The following MBP variants were observed in gnomAD, a reference collection of about 807,000 sequenced individuals.
The protein encoded by MBP is Golli-MBP.
In MBP, 16 loss-of-function variants were observed where a neutral mutation model predicts 35.8. That is an observed-to-expected ratio of 0.45 (90% CI 0.30 to 0.68). MBP has a LOEUF of 0.68. MBP is among the 30% of genes least tolerant of loss of function. The pLI, the probability that MBP is intolerant of heterozygous loss-of-function variation, is 0.08. For missense variants in MBP, 380 were observed against 404.7 expected (o/e 0.94, Z 0.52); for synonymous variants, 143 against 159.6 (o/e 0.90, Z 0.78).
intron 2 of MBP, among the ~76,000 whole-genome samples, chr18:77,069,541 A>G (rs940770530): frequency 6.6e-6 from 1 of 152,196 alleles, no homozygotes; most frequent in Non-Finnish European, 1.5e-5. Flanking sequence ...GTGTCCTCCC[A>G]TTGGCGTGGG....
At chr18:77,107,367 C>T (rs1976311945) in intron 1 of MBP, among the ~76,000 whole-genome samples, 1 of 152,158 alleles carries the variant, frequency 6.6e-6, no homozygotes, top group Non-Finnish European at 1.5e-5. Context: ...CTCCTGTGAG[C>T]CCTCGCCTGC....
chr18:77,098,045 C>T (rs1165970716), intron 2 of MBP, among the ~76,000 whole-genome samples: 1 of 152,122 alleles, frequency 6.6e-6, no homozygotes, highest in African/African-American at 2.4e-5. Context: ...GCTCTACAGC[C>T]CCAGGGAGTC....
intron 2 of MBP, among the ~76,000 whole-genome samples, chr18:77,076,680 T>C (rs1414573518): frequency 6.6e-6 from 1 of 152,238 alleles, no homozygotes; most frequent in Non-Finnish European, 1.5e-5. Flanking sequence ...AGAGCAGTTA[T>C]TAAATATATT....
At chr18:77,027,290 G>C (rs2123559385) in intron 3 of MBP, among the ~76,000 whole-genome samples, 1 of 152,316 alleles carries the variant, frequency 6.6e-6, no homozygotes, top group Middle Eastern at 3.4e-3. Flanking sequence ...CAGGATGAAA[G>C]GCTATGGAAT....
chr18:77,060,746 C>T (rs548376255), intron 3 of MBP, among the ~76,000 whole-genome samples: 9 of 152,290 alleles, frequency 5.9e-5, no homozygotes, highest in Non-Finnish European at 1.2e-4. Context: ...CCATCATACC[C>T]GGCCAAATTG....
rs181059591 is a variant in MBP at position 77,041,789 on chromosome 18, G to T, written c.139+24509C>A. On this transcript the variant is annotated intron_variant, in intron 3 of 8. Coordinates refer to ENST00000355994, the MANE Select transcript of MBP (RefSeq NM_001025101.2). ...ACTGGGACCTGTTGTGGGGTGGGGG[G>T]AGGGGGGAGGGATAGCATTAGGAGA... is the stretch of plus-strand genomic sequence containing the variant. 2.3e-4 allele frequency among the ~76,000 whole-genome samples: 24 copies of T among 103,538 alleles called. 1 individual carries two copies. The highest frequency in any genetic ancestry group is 8.2e-4 in the African/African-American group (23 of 28,020). The allele number at this position is 103,538 out of a possible 152,430, so 67.9% of individuals were successfully genotyped here.
At chr18:77,074,468 T>C (rs1342870329) in intron 2 of MBP, among the ~76,000 whole-genome samples, 2 of 152,162 alleles carry the variant, frequency 1.3e-5, no homozygotes, top group Non-Finnish European at 2.9e-5. Context: ...GGATTCTTTT[T>C]CTTTGGTCAA....
chr18:76,981,702 G>A (rs139742222), intron 8 of MBP: 6 of 152,338 alleles, frequency 3.9e-5, no homozygotes, highest in East Asian at 1.9e-4. Context: ...GCCTCCTGCC[G>A]GCCTGGGGAC....
intron 3 of MBP, among the ~76,000 whole-genome samples, chr18:77,047,682 A>AT: frequency 6.6e-6 from 1 of 152,284 alleles, no homozygotes; most frequent in East Asian, 1.9e-4. Flanking sequence ...AATTAAATCC[A>AT]TTTTCATTTT....
At chr18:76,981,309 G>C (rs1238044643) in intron 8 of MBP, 2 of 152,084 alleles carry the variant, frequency 1.3e-5, no homozygotes, top group African/African-American at 4.8e-5. Flanking sequence ...GATCAATTTT[G>C]GCGAAGAGCC....
intron 8 of MBP, chr18:76,984,400 C>G: frequency 4.1e-6 from 1 of 243,210 alleles, no homozygotes; most frequent in Non-Finnish European, 8.2e-6. Context: ...CTCCAGGGAT[C>G]TCCCCCCGAC....
chr18:77,107,213 G>T (rs192570099), intron 1 of MBP, among the ~76,000 whole-genome samples: 2 of 152,262 alleles, frequency 1.3e-5, no homozygotes, highest in Admixed American at 1.3e-4. Context: ...CTAAACACAG[G>T]CAAAAACAGG....
chr18:77,060,771 C>T (rs1973946431), intron 3 of MBP, among the ~76,000 whole-genome samples: 1 of 152,094 alleles, frequency 6.6e-6, no homozygotes, highest in Non-Finnish European at 1.5e-5. Context: ...CTCAATGGGC[C>T]CTTGCAACAA....
At chr18:77,028,717 C>G (rs1250055835) in intron 3 of MBP, among the ~76,000 whole-genome samples, 1 of 94,828 alleles carries the variant, frequency 1.1e-5, no homozygotes, top group African/African-American at 2.9e-5. Context: ...CGCCCCTCAC[C>G]TCCCGGACGG....
chr18:76,988,484 TC>T lies in MBP; in HGVS notation c.750+10del, dbSNP rs1201080716. ...GAAGAGGAAGCCGATGGAAGTGCGT[TC>T]GTCACCTACCCAGCTAAATCTGCTC... is the stretch of plus-strand genomic sequence containing the variant. On this transcript the variant is annotated intron_variant, in intron 7 of 8. Transcript: ENST00000355994. This position sits in a 1 kb window ranked among gnomAD's most constrained non-coding sequence, Gnocchi z 5.2. 1.9e-6 allele frequency: 3 copies of T among 1,614,172 alleles called. No individual in the cohort carries two copies. In the South Asian group the frequency reaches 3.3e-5, roughly 18 times the overall value.
intron 4 of MBP, among the ~76,000 whole-genome samples, chr18:76,991,498 A>G (rs1432661477): frequency 6.6e-6 from 1 of 152,214 alleles, no homozygotes; most frequent in East Asian, 1.9e-4. Context: ...TCTCAGCTCA[A>G]CTGCAAAGGC....
At chr18:77,111,091 C>T (rs1013049896) in intron 1 of MBP, among the ~76,000 whole-genome samples, 3 of 152,204 alleles carry the variant, frequency 2.0e-5, no homozygotes, top group African/African-American at 4.8e-5. Flanking sequence ...GGGTTCTCAG[C>T]GCCTGTTCAG....
chr18:77,098,852 C>T (rs931855635), intron 2 of MBP, among the ~76,000 whole-genome samples: 24 of 152,222 alleles, frequency 1.6e-4, no homozygotes, highest in Non-Finnish European at 2.8e-4. Context: ...GTTCCTCCTC[C>T]GCGCTGCATT....
chr18:77,131,034 A>AAC lies in MBP; in HGVS notation c.-26+1545_-26+1546insGT, dbSNP rs1444074532. On this transcript the variant is annotated intron_variant, in intron 1 of 8. Transcript: ENST00000355994. The surrounding 1 kb of genome is among the most constrained non-coding windows in gnomAD (Gnocchi z 5.5). ...ATTTCTGTTTTTCCCACAAAAAAAA[A>AAC]AAAAAAACAAAACCTCAAAAAACAA... is the stretch of plus-strand genomic sequence containing the variant. Among the ~76,000 whole-genome samples, 25 of 149,286 alleles carry AAC rather than the reference A, an allele frequency of 1.7e-4. No individual in the cohort carries two copies. The highest frequency in any genetic ancestry group is 5.2e-4 in the African/African-American group (21 of 40,632).
Sources: gnomAD v4.1 joint callset for allele counts (sites outside exome capture counted in the v4.1 genomes callset) on GRCh38, gnomAD v4.1.1 for gene constraint, Gnocchi (gnomAD v3.1) non-coding constraint, MANE v1.5 for transcripts, NCBI Gene and HGNC (gene_info 2026-07-23, HGNC 2026-07-21) for gene names.